CD101: variants seen among roughly 807,000 people sequenced by gnomAD.
CD101 encodes the protein CD101 molecule.
CD101 carries 76 observed loss-of-function variants against 98.2 expected under a neutral mutation model. That is an observed-to-expected ratio of 0.77 (90% CI 0.64 to 0.94). CD101 has a LOEUF of 0.94. Among genes scored for constraint, CD101 ranks in the 40% least tolerant of loss-of-function variants. The pLI, the probability that CD101 is intolerant of heterozygous loss-of-function variation, is 0.00. For synonymous variants in CD101, 471 were observed against 472.7 expected, an observed-to-expected ratio of 1.00 and a Z score of 0.05; for missense variants, 1,145 against 1,218.8, an observed-to-expected ratio of 0.94 and a Z score of 0.90.
At chr1:117,016,113 A>C (rs1653199945) in intron 4 of CD101, among the ~76,000 whole-genome samples, 1 of 151,286 alleles carries the variant, frequency 6.6e-6, no homozygotes, top group African/African-American at 2.4e-5. Context: ...CTCTGTTTAC[A>C]ACAACGTGTG....
Position 117,012,059 on chromosome 1 carries a change from G to A in CD101, c.841+93G>A, listed in dbSNP as rs149786748. On this transcript the variant is annotated intron_variant, in intron 3 of 9. Transcript: ENST00000682167. This position sits in a 1 kb window ranked among gnomAD's most constrained non-coding sequence, Gnocchi z 4.0. ...TTAATTTTTGTTCTAATCTTTTGTT[G>A]GCTCTAAAAAATTGGCTAGAAAGTT... 52 of 1,217,720 alleles carry A rather than the reference G, an allele frequency of 4.3e-5. 1 individual carries two copies. The African/African-American group carries it at 6.9e-4, about 16-fold the overall frequency. The allele number at this position is 1,217,720 out of a possible 1,614,324, so 75.4% of individuals were successfully genotyped here. A position where few individuals can be genotyped will look rare whatever the true frequency, so the allele number is the denominator to read the frequency against.
At chr1:117,028,285 T>C (rs1318778115) in intron 8 of CD101, among the ~76,000 whole-genome samples, 2 of 152,088 alleles carry the variant, frequency 1.3e-5, no homozygotes, top group Non-Finnish European at 2.9e-5. Flanking sequence ...ATTTAGAGGC[T>C]GATTCATTGT....
In CD101 at chr1:117,001,784, A is replaced by G; in HGVS notation, c.-34A>G. On this transcript the variant is annotated 5_prime_UTR_variant, in exon 1 of 10. Coordinates refer to ENST00000682167, the MANE Select transcript of CD101 (RefSeq NM_001256106.3). ...CACTCAACCTCTGAATGTTAGTGAC[A>G]CTATTGGGACGAAAAAGGACTGTGC... The G allele has an allele frequency of 6.2e-7, 1 of 1,607,152 alleles. No homozygotes were observed. Among genetic ancestry groups the G allele is most frequent in the South Asian group, 1.1e-5 (1 of 90,850 alleles).
At chr1:117,029,248 A>AGAAG (rs1277128693) in intron 8 of CD101, among the ~76,000 whole-genome samples, 8 of 145,770 alleles carry the variant, frequency 5.5e-5, no homozygotes, top group African/African-American at 1.9e-4. Flanking sequence ...AAAGAAAGAA[A>AGAAG]GAAAGAAAGA....
intron 1 of CD101, among the ~76,000 whole-genome samples, chr1:117,003,513 T>C (rs754996148): frequency 3.3e-5 from 5 of 152,166 alleles, no homozygotes; most frequent in Admixed American, 6.5e-5. Flanking sequence ...TGTGTTTTTG[T>C]TGTTTGGTTA....
Position 117,001,833 on chromosome 1 carries a change from T to TA in CD101, c.17dup (p.Tyr6Ter). 6.2e-7 allele frequency: 1 copy of TA among 1,614,186 alleles called. No homozygotes were observed. Among genetic ancestry groups the TA allele is most frequent in the South Asian group, 1.1e-5 (1 of 91,088 alleles). Residue 6 changes from tyrosine (Y) to a stop codon, truncating the protein, a stop_gained and frameshift_variant, in exon 1 of 10, where the codon TAT becomes TAAT. Coordinates refer to ENST00000682167, the MANE Select transcript of CD101 (RefSeq NM_001256106.3). LOFTEE classifies it high-confidence loss of function. ...GCTGGCCCAAATGGCAGGCATCTCATATGTGGCATCTTTCTTTCTCCTTCT... is the reference window on the plus strand; with the variant it reads ...GCTGGCCCAAATGGCAGGCATCTCATAATGTGGCATCTTTCTTTCTCCTTCT... MAGIS[Y>*]VASFFLLLTK...
intron 4 of CD101, among the ~76,000 whole-genome samples, chr1:117,014,383 T>C (rs1250246232): frequency 1.3e-5 from 2 of 152,108 alleles, no homozygotes; most frequent in Admixed American, 6.5e-5. Context: ...TAGTACTTAG[T>C]CATAATTCTG....
At position 117,033,870 on chromosome 1, in the gene CD101, T is replaced by G. The variant is rs746354431; in HGVS notation, c.2835T>G (p.Leu945=). The G allele has an allele frequency of 6.2e-7, 1 of 1,614,198 alleles. No individual in the cohort carries two copies. The highest frequency in any genetic ancestry group is 1.7e-5 in the Admixed American group (1 of 60,024). ...CTCCCTTCGTTGCAGAGCCCACGCTTCCTTCCAGGATCTGCTCCTCGGCCC... is the reference window on the plus strand; with the variant it reads ...CTCCCTTCGTTGCAGAGCCCACGCTGCCTTCCAGGATCTGCTCCTCGGCCC... The part of the protein sequence containing the change: ...VLTVLPSEPT[L]PSRICSSAPL... Residue 945 remains leucine, a synonymous_variant, in exon 9 of 10, where the codon CTT becomes CTG. Transcript: ENST00000682167. The surrounding 1 kb of genome is among the most constrained non-coding windows in gnomAD (Gnocchi z 4.8).
rs141102460 is a variant in CD101 at position 117,014,159 on chromosome 1, A to G, written c.1228+367A>G. The stretch of plus-strand genomic sequence containing the variant: ...TTAGATATTTCTTAAAGCAGAGAAC[A>G]TGTGTATTAATGAAGCCCTCTGCCT... On this transcript the variant is annotated intron_variant, in intron 4 of 9. Coordinates refer to ENST00000682167, the MANE Select transcript of CD101 (RefSeq NM_001256106.3). 5.5e-3 allele frequency among the ~76,000 whole-genome samples: 834 copies of G among 150,306 alleles called. 2 individuals carry two copies. The highest frequency in any genetic ancestry group is 0.01 in the Middle Eastern group (3 of 292).
chr1:117,014,185 TTGTGTGTGTGTGTG>T lies in CD101; in HGVS notation c.1228+424_1228+437del, dbSNP rs3220776. 5.6e-3 allele frequency among the ~76,000 whole-genome samples: 786 copies of T among 141,264 alleles called. 7 individuals are homozygous for T. The highest frequency in any genetic ancestry group is 0.019 in the African/African-American group (736 of 38,384). The allele number at this position is 141,264 out of a possible 152,430, so 92.7% of individuals were successfully genotyped here. A position where few individuals can be genotyped will look rare whatever the true frequency, so the allele number is the denominator to read the frequency against. On this transcript the variant is annotated intron_variant, in intron 4 of 9. Transcript: ENST00000682167. ...TGTGTATTAATGAAGCCCTCTGCCT[TTGTGTGTGTGTGTG>T]TGTGTGTGTGTGTGTGTGTGTGTGT... is the stretch of plus-strand genomic sequence containing the variant.
intron 5 of CD101, 120 bp downstream of exon 5, chr1:117,017,593 A>T (rs1653318575): frequency 3.0e-6 from 3 of 987,720 alleles, no homozygotes; most frequent in Non-Finnish European, 4.5e-6. Flanking sequence ...TAGGACACAG[A>T]GCTAGTCTCT....
In CD101 at chr1:117,023,497, A is replaced by ACCT. The variant is rs1297012327; in HGVS notation, c.2428+1524_2428+1526dup. On this transcript the variant is annotated intron_variant, in intron 7 of 9. Coordinates refer to ENST00000682167, the MANE Select transcript of CD101 (RefSeq NM_001256106.3). The surrounding 1 kb of genome is among the most constrained non-coding windows in gnomAD (Gnocchi z 4.4). ...AGTGGTATGATCTTAGCTCACTGCAACCTCCTCCTCCTGGGTTCAAGCAAT... is the reference window on the plus strand; with the variant it reads ...AGTGGTATGATCTTAGCTCACTGCAACCTCCTCCTCCTCCTGGGTTCAAGCAAT... Among the ~76,000 whole-genome samples the ACCT allele has an allele frequency of 6.6e-6, 1 of 150,792 alleles. No homozygotes were observed. Among genetic ancestry groups the ACCT allele is most frequent in the Non-Finnish European group, 1.5e-5 (1 of 67,688 alleles).
In CD101 at chr1:117,025,742, T is replaced by C; in HGVS notation, c.2662T>C (p.Ser888Pro). Residue 888 changes from serine (S) to proline (P), a missense_variant, in exon 8 of 10, where the codon TCC (serine) becomes CCC (proline). Physicochemically the swap from Ser to Pro is moderately conservative, Grantham distance 74 (BLOSUM62 -1). Transcript: ENST00000682167. ...LRRHLHCYRSSSTDFVLKLHQ... is the reference protein window; with the variant it reads ...LRRHLHCYRSPSTDFVLKLHQ... Reference sequence around the variant, plus strand: ...GAGGCACCTGCACTGTTACCGTTCATCCTCTACAGACTTTGTCCTGAAGCT... The same window carrying C: ...GAGGCACCTGCACTGTTACCGTTCACCCTCTACAGACTTTGTCCTGAAGCT... 1 of 1,614,150 alleles carries C rather than the reference T, an allele frequency of 6.2e-7. No individual in the cohort carries two copies. The highest frequency in any genetic ancestry group is 8.5e-7 in the Non-Finnish European group (1 of 1,180,038).
intron 8 of CD101, 112 bp downstream of exon 8, chr1:117,026,016 G>A (rs1336736210): frequency 1.7e-6 from 2 of 1,200,532 alleles, no homozygotes; most frequent in African/African-American, 1.5e-5. Context: ...TTTTCAGACT[G>A]AAGACAATTT....
rs889572841 is a variant in CD101 at position 117,016,958 on chromosome 1, G to T, written c.1229-132G>T. ...TTGGCAAATCTTTTGCCTGAGGGTG[G>T]TGCAAGAGGAAACAGCCCAATTTGA... On this transcript the variant is annotated intron_variant, in intron 4 of 9. Coordinates refer to ENST00000682167, the MANE Select transcript of CD101 (RefSeq NM_001256106.3). 3.3e-6 allele frequency: 3 copies of T among 898,624 alleles called. 1 individual carries two copies. In the African/African-American group the frequency reaches 5.1e-5, roughly 15 times the overall value. The allele number at this position is 898,624 out of a possible 1,614,324, so 55.7% of individuals were successfully genotyped here.
chr1:117,020,654 C>T (rs77086244), intron 6 of CD101, among the ~76,000 whole-genome samples: 3,072 of 152,302 alleles, frequency 0.02, 97 homozygotes, highest in African/African-American at 0.07. Context: ...TATCACTGTG[C>T]TGTGGTAGAA....
chr1:117,018,038 A>G lies in CD101; in HGVS notation c.1613-118A>G. The stretch of plus-strand genomic sequence containing the variant: ...TCAATTTCTACTCTATAAAATAGGA[A>G]ACTCCAAATGTACAAATGCATGGTC... On this transcript the variant is annotated intron_variant, in intron 5 of 9. Transcript: ENST00000682167. The surrounding 1 kb of genome is among the most constrained non-coding windows in gnomAD (Gnocchi z 4.3). 1 of 956,462 alleles carries G rather than the reference A, an allele frequency of 1.0e-6. No individual in the cohort carries two copies. Among genetic ancestry groups the G allele is most frequent in the South Asian group, 1.8e-5 (1 of 54,650 alleles). 59.2% of individuals were successfully genotyped at this position (956,462 alleles called of 1,614,324 possible). A position where few individuals can be genotyped will look rare whatever the true frequency, so the allele number is the denominator to read the frequency against.
In CD101 at chr1:117,022,956, G is replaced by T. The variant is rs1261086544; in HGVS notation, c.2428+973G>T. Among the ~76,000 whole-genome samples, 1 of 152,022 alleles carries T rather than the reference G, an allele frequency of 6.6e-6. No homozygotes were observed. The highest frequency in any genetic ancestry group is 1.5e-5 in the Non-Finnish European group (1 of 68,012). On this transcript the variant is annotated intron_variant, in intron 7 of 9. Coordinates refer to ENST00000682167, the MANE Select transcript of CD101 (RefSeq NM_001256106.3). The surrounding 1 kb of genome is among the most constrained non-coding windows in gnomAD (Gnocchi z 4.8). ...GTGTGTTCCTCAGGGATAGATCCTG[G>T]GCCTGTTTTGCTTCTTATTCTCTGC...
chr1:117,032,302 T>C (rs540860287), intron 8 of CD101: 1 of 152,312 alleles, frequency 6.6e-6, no homozygotes, highest in Admixed American at 6.5e-5. Context: ...AATGTACTCA[T>C]GCAATTGATT....
Sources: allele counts gnomAD v4.1 joint callset (sites outside exome capture counted in the v4.1 genomes callset), GRCh38; gene constraint gnomAD v4.1.1; non-coding constraint Gnocchi (gnomAD v3.1); transcripts MANE v1.5; gene names NCBI Gene and HGNC (gene_info 2026-07-23, HGNC 2026-07-21).